The following MCM5 variants were observed in gnomAD, a reference collection of about 807,000 sequenced individuals.
The protein encoded by MCM5 is DNA replication licensing factor MCM5.
A neutral mutation model predicts 79.9 loss-of-function variants in MCM5; 46 were observed. The ratio of observed to expected loss-of-function variants is 0.58; its 90% CI spans 0.45 to 0.74. The LOEUF is 0.74. Ranked by LOEUF, MCM5 falls within the 30% of genes least tolerant of loss-of-function variation. MCM5 has a pLI of 0.00. For missense variants in MCM5, 883 were observed against 1,017.0 expected (o/e 0.87, Z 1.79); for synonymous variants, 404 against 390.5 (o/e 1.03, Z -0.41).
the MCM5 span, among the ~76,000 whole-genome samples, chr22:35,438,356 C>T: frequency 9.8e-3 from 1,473 of 150,364 alleles, 17 homozygotes; most frequent in Non-Finnish European, 0.015. Flanking sequence ...TCCACTCACC[C>T]ACCCACATAT....
chr22:35,416,225 C>T (rs1932535276), intron 10 of MCM5, 114 bp from the exon 11 acceptor site: 3 of 1,102,760 alleles, frequency 2.7e-6, no homozygotes, highest in Admixed American at 3.5e-5. Flanking sequence ...CTGCCATTGG[C>T]CTTGCGTGGA....
rs1458478848 is a variant in MCM5, at chr22:35,421,369, G to T, written c.1884G>T (p.Leu628=). ...RIAEALSKMK[L]QPFATEADVE... ...CGGAAGCCCTCAGCAAGATGAAGCT[G>T]CAGCCCTTCGCCACAGAGGCAGATG... The change falls in exon 15 of 17, where the codon CTG becomes CTT. Residue 628 remains leucine, a synonymous_variant. Transcript: ENST00000216122. The T allele has an allele frequency of 6.2e-7, 1 of 1,614,074 alleles. No homozygotes were observed. The highest frequency in any genetic ancestry group is 1.1e-5 in the South Asian group (1 of 91,092).
the MCM5 span, among the ~76,000 whole-genome samples, chr22:35,449,987 T>C: frequency 3.3e-5 from 5 of 152,140 alleles, no homozygotes; most frequent in Admixed American, 1.3e-4. Flanking sequence ...TCCTGCTATG[T>C]TGCCCAGGCT....
At chr22:35,406,296 A>AACCCC (rs1555903416) in intron 4 of MCM5, among the ~76,000 whole-genome samples, 7 of 120,906 alleles carry the variant, frequency 5.8e-5, no homozygotes, top group Non-Finnish European at 6.8e-5. Flanking sequence ...TTGCCCTGCC[A>AACCCC]CCTCCCCCCC....
At chr22:35,450,232 C>T in the MCM5 span, among the ~76,000 whole-genome samples, 4 of 152,142 alleles carry the variant, frequency 2.6e-5, no homozygotes, top group East Asian at 1.9e-4. Context: ...ACATGGCCCA[C>T]GGTTGAGTTC....
At chr22:35,423,640 C>G (rs1020124436) in intron 16 of MCM5, 1 of 248,554 alleles carries the variant, frequency 4.0e-6, no homozygotes, top group African/African-American at 2.2e-5. Context: ...GTGCCTTTCC[C>G]CGTTGGCGGG....
the MCM5 span, among the ~76,000 whole-genome samples, chr22:35,437,783 T>C: frequency 6.6e-6 from 1 of 152,170 alleles, no homozygotes; most frequent in African/African-American, 2.4e-5. Context: ...GGGTAGCCTG[T>C]TAAAAACTGA....
In MCM5 at chr22:35,424,223, A is replaced by C; in HGVS notation, c.2173A>C (p.Met725Leu). 1.3e-6 allele frequency: 2 copies of C among 1,552,550 alleles called. No homozygotes were observed. Among genetic ancestry groups the C allele is most frequent in the South Asian group, 1.2e-5 (1 of 83,964 alleles). Residue 725 changes from methionine to leucine, a missense_variant, in exon 17 of 17, where the codon ATG becomes CTG. Physicochemically the swap from Met to Leu is conservative, Grantham distance 15. Coordinates refer to ENST00000216122, the MANE Select transcript of MCM5 (RefSeq NM_006739.4). ...GCGGCGCGGCGAGATCCAGCATCGC[A>C]TGCAGCGCAAGGTTCTCTACCGCCT... ...MLRRGEIQHRMQRKVLYRLK is the reference protein window; with the variant it reads ...MLRRGEIQHRLQRKVLYRLK
the MCM5 span, among the ~76,000 whole-genome samples, chr22:35,432,528 G>A: frequency 2.6e-5 from 4 of 152,334 alleles, no homozygotes; most frequent in Admixed American, 1.3e-4. Flanking sequence ...GAGCTGCTGC[G>A]TGGAGTCTGG....
At chr22:35,429,013 A>G (rs9619543), downstream of MCM5, among the ~76,000 whole-genome samples, 12,919 of 98,600 alleles carry the variant, frequency 0.13, 1,764 homozygotes, top group African/African-American at 0.39. Context: ...TTGAGGCGGA[A>G]TTTTGCTCTG....
the MCM5 span, among the ~76,000 whole-genome samples, chr22:35,432,500 G>C: frequency 6.6e-6 from 1 of 152,206 alleles, no homozygotes; most frequent in African/African-American, 2.4e-5. Context: ...GAGCAGAGCA[G>C]GGAGGAGAAG....
At chr22:35,440,855 C>G in the MCM5 span, among the ~76,000 whole-genome samples, 4 of 152,130 alleles carry the variant, frequency 2.6e-5, no homozygotes, top group African/African-American at 9.6e-5. Flanking sequence ...GTCAGGAGTT[C>G]AAGACCAACC....
chr22:35,448,106 A>G, the MCM5 span, among the ~76,000 whole-genome samples: 2 of 152,288 alleles, frequency 1.3e-5, no homozygotes, highest in East Asian at 1.9e-4. Flanking sequence ...TACTCTGAAA[A>G]TGAGACCGGA....
At chr22:35,448,199 A>G in the MCM5 span, among the ~76,000 whole-genome samples, 5 of 152,206 alleles carry the variant, frequency 3.3e-5, no homozygotes, top group Non-Finnish European at 7.3e-5. Flanking sequence ...AGAAAATAAG[A>G]ATGATCAAAG....
chr22:35,401,457 C>G, intron 2 of MCM5: 1 of 471,022 alleles, frequency 2.1e-6, no homozygotes, highest in South Asian at 1.5e-5. Context: ...GACCTGGCTC[C>G]TGCTTCTAGG....
At chr22:35,421,230 TG>T in intron 14 of MCM5, 87 bp from the exon 15 acceptor site, 2 of 1,432,978 alleles carry the variant, frequency 1.4e-6, no homozygotes, top group South Asian at 1.3e-5. Flanking sequence ...CTTACCACTT[TG>T]GGCAAGCACC....
At chr22:35,423,921 A>G in intron 16 of MCM5, 1 of 507,970 alleles carries the variant, frequency 2.0e-6, no homozygotes, top group East Asian at 3.4e-5. Context: ...CTTCGGTTCT[A>G]GAGTCAGATG....
At chr22:35,415,179 C>T (rs189004250) in intron 9 of MCM5, among the ~76,000 whole-genome samples, 69 of 152,058 alleles carry the variant, frequency 4.5e-4, no homozygotes, top group African/African-American at 1.6e-3. Flanking sequence ...GGCAACATAG[C>T]AAGACCCCGT....
intron 13 of MCM5, among the ~76,000 whole-genome samples, chr22:35,419,016 G>A (rs1012961396): frequency 3.3e-5 from 5 of 152,292 alleles, no homozygotes; most frequent in Non-Finnish European, 4.4e-5. Context: ...TAAAACCCAG[G>A]GGTTGAGGGC....
Sources: allele counts gnomAD v4.1 joint callset (sites outside exome capture counted in the v4.1 genomes callset), GRCh38; gene constraint gnomAD v4.1.1; transcripts MANE v1.5; gene names NCBI Gene and HGNC (gene_info 2026-07-23, HGNC 2026-07-21).